The following COL10A1 variants were observed in gnomAD, a reference collection of about 807,000 sequenced individuals.
COL10A1 encodes collagen alpha-1(X) chain.
A neutral mutation model predicts 18.2 loss-of-function variants in COL10A1; 10 were observed. The ratio of observed to expected loss-of-function variants is 0.55; its 90% CI spans 0.34 to 0.93. The LOEUF (loss-of-function observed/expected upper bound fraction) is 0.93, where lower values mean the gene tolerates loss of function less well. Ranked by LOEUF, COL10A1 falls within the 40% of genes least tolerant of loss-of-function variation. COL10A1 has a pLI of 0.02. For synonymous variants in COL10A1, 330 were observed against 316.6 expected (o/e 1.04, Z -0.45); for missense variants, 897 against 853.5 (o/e 1.05, Z -0.64).
chr6:116,169,823 T>G, the COL10A1 span, among the ~76,000 whole-genome samples: 1 of 152,276 alleles, frequency 6.6e-6, no homozygotes, highest in African/African-American at 2.4e-5. Flanking sequence ...TGTGTATAGA[T>G]GATATTTATG....
At chr6:116,163,902 T>G in the COL10A1 span, among the ~76,000 whole-genome samples, 1 of 152,194 alleles carries the variant, frequency 6.6e-6, no homozygotes, top group African/African-American at 2.4e-5. Flanking sequence ...ACGTATGTGG[T>G]TTTGAGAGTT....
chr6:116,190,541 G>T, the COL10A1 span, among the ~76,000 whole-genome samples: 2 of 152,058 alleles, frequency 1.3e-5, no homozygotes, highest in Admixed American at 1.3e-4. Context: ...CACATTAGTT[G>T]CCCTTTTTTA....
chr6:116,172,652 ATTGT>A, the COL10A1 span, among the ~76,000 whole-genome samples: 3 of 152,154 alleles, frequency 2.0e-5, no homozygotes, highest in Non-Finnish European at 4.4e-5. Flanking sequence ...TTGTAAGGAA[ATTGT>A]TTATGTTTTC....
At chr6:116,162,723 G>T (rs1780363948), upstream of COL10A1, among the ~76,000 whole-genome samples, 1 of 152,062 alleles carries the variant, frequency 6.6e-6, no homozygotes, top group Non-Finnish European at 1.5e-5. Flanking sequence ...AGGGATATTG[G>T]CCCATAGTTT....
chr6:116,139,977 T>G (rs1291427490), intron 1 of COL10A1, among the ~76,000 whole-genome samples: 1 of 152,152 alleles, frequency 6.6e-6, no homozygotes, highest in African/African-American at 2.4e-5. Context: ...GTCAGGTGTT[T>G]TGCTTTTCTT....
At position 116,125,493 on chromosome 6, in the gene COL10A1, A is replaced by G. The variant is rs1476964225; in HGVS notation, c.-1T>C. On this transcript the variant is annotated 5_prime_UTR_variant, in exon 2 of 3. Transcript: ENST00000651968. ...GCAAAAAGGGTATTTGTGGCAGCAT[A>G]TTCTCAGATGGATTCTGAAAAACAG... The G allele has an allele frequency of 1.2e-6, 2 of 1,613,488 alleles. No individual in the cohort carries two copies. Among genetic ancestry groups the G allele is most frequent in the Non-Finnish European group, 1.7e-6 (2 of 1,179,678 alleles).
At chr6:116,190,400 TAGAAAC>T in the COL10A1 span, among the ~76,000 whole-genome samples, 3 of 151,980 alleles carry the variant, frequency 2.0e-5, no homozygotes, top group African/African-American at 7.2e-5. Context: ...TTAGTAGACT[TAGAAAC>T]AGAGGGGAAA....
rs2114286963 is a variant in COL10A1, at chr6:116,121,238, G to GGGGGCCCAGCTATTCCT, written c.861_877dup (p.Pro293GlnfsTer3). On this transcript the variant is annotated stop_gained and frameshift_variant, in exon 3 of 3. Transcript: ENST00000651968. LOFTEE classifies it high-confidence loss of function. ...TGGTTTCCCAAAGCCAGGAGGCCCT[G>GGGGGCCCAGCTATTCCT]GGGGCCCAGCTATTCCTGGAGCCCC... The GGGGGCCCAGCTATTCCT allele has an allele frequency of 6.2e-7, 1 of 1,613,722 alleles. No homozygotes were observed. Among genetic ancestry groups the GGGGGCCCAGCTATTCCT allele is most frequent in the Admixed American group, 1.7e-5 (1 of 60,020 alleles).
At chr6:116,205,277 T>G in the COL10A1 span, among the ~76,000 whole-genome samples, 2 of 151,892 alleles carry the variant, frequency 1.3e-5, no homozygotes, top group African/African-American at 4.8e-5. Context: ...GACACTAAAA[T>G]GACAACAATG....
the COL10A1 span, among the ~76,000 whole-genome samples, chr6:116,172,136 T>C: frequency 6.6e-6 from 1 of 152,200 alleles, no homozygotes; most frequent in South Asian, 2.1e-4. Context: ...TAACCTGTTG[T>C]AAATTTGTAA....
chr6:116,172,158 A>G, the COL10A1 span, among the ~76,000 whole-genome samples: 2 of 152,132 alleles, frequency 1.3e-5, no homozygotes, highest in Non-Finnish European at 2.9e-5. Context: ...CCCTTTCCTA[A>G]GTGATACAAT....
the COL10A1 span, among the ~76,000 whole-genome samples, chr6:116,200,572 G>A: frequency 1.3e-5 from 2 of 151,902 alleles, no homozygotes; most frequent in African/African-American, 2.4e-5. Flanking sequence ...AAAAAGCATA[G>A]CTAAATAAAG....
the COL10A1 span, among the ~76,000 whole-genome samples, chr6:116,210,562 C>T: frequency 2.0e-5 from 3 of 151,768 alleles, no homozygotes; most frequent in South Asian, 4.2e-4. Flanking sequence ...AGTTGCAAAA[C>T]GGGAATCATA....
intron 2 of COL10A1, among the ~76,000 whole-genome samples, chr6:116,124,622 A>G (rs1779237098): frequency 1.3e-5 from 2 of 152,210 alleles, no homozygotes; most frequent in South Asian, 4.1e-4. Context: ...TACAGGTATT[A>G]ATTCATTTAA....
chr6:116,157,833 C>T (rs1443528201), intron 1 of COL10A1, among the ~76,000 whole-genome samples: 1 of 152,192 alleles, frequency 6.6e-6, no homozygotes, highest in Non-Finnish European at 1.5e-5. Context: ...CTCACCTATT[C>T]AGGATCCTTC....
chr6:116,151,107 G>A (rs549923291), intron 1 of COL10A1, among the ~76,000 whole-genome samples: 8 of 152,228 alleles, frequency 5.3e-5, no homozygotes, highest in African/African-American at 1.9e-4. Context: ...AGAATTTGCA[G>A]CTCCTAATTG....
At chr6:116,145,047 T>G (rs534852078) in intron 1 of COL10A1, among the ~76,000 whole-genome samples, 2 of 152,282 alleles carry the variant, frequency 1.3e-5, no homozygotes, top group South Asian at 4.1e-4. Flanking sequence ...GATTGATACA[T>G]GAGAAATGGA....
the COL10A1 span, among the ~76,000 whole-genome samples, chr6:116,180,319 T>G: frequency 1.3e-5 from 2 of 152,066 alleles, no homozygotes; most frequent in African/African-American, 4.8e-5. Flanking sequence ...TTTTACAAAT[T>G]CTAACGCAAG....
chr6:116,154,106 G>A (rs1412360002), intron 1 of COL10A1, among the ~76,000 whole-genome samples: 1 of 150,042 alleles, frequency 6.7e-6, no homozygotes, highest in East Asian at 2.0e-4. Context: ...GTTAAAACAT[G>A]GCTCTCAAAT....
Sources: allele counts gnomAD v4.1 joint callset (sites outside exome capture counted in the v4.1 genomes callset), GRCh38; gene constraint gnomAD v4.1.1; transcripts MANE v1.5; gene names NCBI Gene and HGNC (gene_info 2026-07-23, HGNC 2026-07-21).